The following SYK variants were observed in gnomAD, a reference collection of about 807,000 sequenced individuals.
SYK encodes tyrosine-protein kinase SYK.
A neutral mutation model predicts 77.8 loss-of-function variants in SYK; 16 were observed. That is an observed-to-expected ratio of 0.21 (90% confidence interval 0.14 to 0.31). The LOEUF (loss-of-function observed/expected upper bound fraction) is 0.31. Ranked by LOEUF, SYK falls within the 10% of genes least tolerant of loss-of-function variation. The pLI, the probability that SYK is intolerant of heterozygous loss-of-function variation, is 1.00. For missense variants in SYK, 529 were observed against 814.4 expected (o/e 0.65, Z 4.26); for synonymous variants, 312 against 308.7 (o/e 1.01, Z -0.11).
intron 13 of SYK, among the ~76,000 whole-genome samples, chr9:90,894,116 C>T (rs1443505573): frequency 6.6e-6 from 1 of 152,220 alleles, no homozygotes; most frequent in Non-Finnish European, 1.5e-5. Flanking sequence ...ACCCCCAGAG[C>T]AAGATCCAAA....
chr9:90,859,624 C>T (rs1418953307), intron 3 of SYK, among the ~76,000 whole-genome samples: 1 of 152,180 alleles, frequency 6.6e-6, no homozygotes, highest in Non-Finnish European at 1.5e-5. Context: ...TGCTCATTCA[C>T]GAGGTCTGTG....
chr9:90,853,840 G>T (rs1001854687), intron 3 of SYK, among the ~76,000 whole-genome samples: 24 of 151,908 alleles, frequency 1.6e-4, no homozygotes, highest in Non-Finnish European at 3.1e-4. Context: ...CCTGCACATT[G>T]TGCACATGTA....
Position 90,845,526 on chromosome 9 carries a change from T to C in SYK, c.510T>C (p.His170=). The C allele has an allele frequency of 6.2e-7, 1 of 1,614,204 alleles. No individual in the cohort carries two copies. Residue 170 remains histidine (H), a synonymous_variant, in exon 3 of 14, where the codon CAT becomes CAC. Coordinates refer to ENST00000375754, the MANE Select transcript of SYK (RefSeq NM_003177.7). ...CCCATGAAAAAATGCCTTGGTTCCA[T>C]GGAAAAATCTCTCGGGAAGAATCTG... The part of the protein sequence containing the change: ...TTAHEKMPWF[H]GKISREESEQ...
intron 11 of SYK, among the ~76,000 whole-genome samples, chr9:90,883,659 G>A (rs1316299652): frequency 6.6e-6 from 1 of 152,000 alleles, no homozygotes; most frequent in Non-Finnish European, 1.5e-5. Flanking sequence ...AAGTCCATTG[G>A]CCTAGTCACA....
chr9:90,830,581 C>CTTTTTTTTT (rs57804863), intron 1 of SYK, among the ~76,000 whole-genome samples: 2 of 111,562 alleles, frequency 1.8e-5, no homozygotes, highest in Non-Finnish European at 1.7e-5. Context: ...ACTCATTCCT[C>CTTTTTTTTT]TTTTTTTTTT....
intron 5 of SYK, among the ~76,000 whole-genome samples, 160 bp from the exon 6 acceptor site, chr9:90,864,888 C>T (rs368326030): frequency 3.5e-4 from 54 of 152,206 alleles, no homozygotes; most frequent in South Asian, 1.0e-3. Context: ...TCATTGCATG[C>T]GGGAAAAAGT....
intron 11 of SYK, among the ~76,000 whole-genome samples, chr9:90,887,364 T>A (rs1008982407): frequency 5.3e-5 from 8 of 151,928 alleles, no homozygotes; most frequent in African/African-American, 1.9e-4. Flanking sequence ...ATAATGCTGC[T>A]ATGAACATGA....
rs1283582519 is a variant in SYK at position 90,891,177 on chromosome 9, ACTCTGTCGCCCAGGCTG to A, written c.1835+2551_1835+2567del. Among the ~76,000 whole-genome samples, 955 of 123,750 alleles carry A rather than the reference ACTCTGTCGCCCAGGCTG, an allele frequency of 7.7e-3. 2 individuals are homozygous for A. The highest frequency in any genetic ancestry group is 0.015 in the South Asian group (60 of 4,056). The allele number at this position is 123,750 out of a possible 152,430, so 81.2% of individuals were successfully genotyped here. A position where few individuals can be genotyped will look rare whatever the true frequency, so the allele number is the denominator to read the frequency against. On this transcript the variant is annotated intron_variant, in intron 13 of 13. Coordinates refer to ENST00000375754, the MANE Select transcript of SYK (RefSeq NM_003177.7). Reference sequence around the variant, plus strand: ...TTTTTTTTTTTTGAGACGGAGTCTCACTCTGTCGCCCAGGCTGGAGTGCAGTGGCGCGATCTGGGCTC... The same window carrying A: ...TTTTTTTTTTTTGAGACGGAGTCTCAGAGTGCAGTGGCGCGATCTGGGCTC...
Position 90,801,838 on chromosome 9 carries a change from A to T in SYK, c.-97A>T, listed in dbSNP as rs1347233042. 1 of 152,302 alleles carries T rather than the reference A, an allele frequency of 6.6e-6. No homozygotes were observed. Among genetic ancestry groups the T allele is most frequent in the Admixed American group, 6.5e-5 (1 of 15,280 alleles). The allele number at this position is 152,302 out of a possible 1,614,324, so 9.4% of individuals were successfully genotyped here. ...GAGGCCACCCCGGCGGCGGCTGGAGAGCGAGGAGGAGCGGGTGGCCCCGCG... is the reference window on the plus strand; with the variant it reads ...GAGGCCACCCCGGCGGCGGCTGGAGTGCGAGGAGGAGCGGGTGGCCCCGCG... On this transcript the variant is annotated 5_prime_UTR_variant, in exon 1 of 14. Coordinates refer to ENST00000375754, the MANE Select transcript of SYK (RefSeq NM_003177.7).
intron 3 of SYK, among the ~76,000 whole-genome samples, chr9:90,849,603 G>T (rs1826740053): frequency 6.6e-6 from 1 of 152,150 alleles, no homozygotes; most frequent in Non-Finnish European, 1.5e-5. Flanking sequence ...ACAGATGCAG[G>T]GACACAGCAA....
At chr9:90,807,426 G>T (rs960446830) in intron 1 of SYK, among the ~76,000 whole-genome samples, 13 of 152,196 alleles carry the variant, frequency 8.5e-5, no homozygotes, top group Admixed American at 5.9e-4. Flanking sequence ...GCCCCACTGG[G>T]TTCAAGTCCC....
chr9:90,804,537 G>T (rs4744504), intron 1 of SYK, among the ~76,000 whole-genome samples: 17,451 of 152,090 alleles, frequency 0.11, 1,193 homozygotes, highest in Admixed American at 0.23. Context: ...TGCTTTGCTG[G>T]TTTTAACATT....
At chr9:90,884,143 A>ATC (rs1554714307) in intron 11 of SYK, among the ~76,000 whole-genome samples, 1 of 111,928 alleles carries the variant, frequency 8.9e-6, no homozygotes, top group Non-Finnish European at 1.9e-5. Context: ...ACATATATAT[A>ATC]TGTGTGTGTG....
chr9:90,885,526 A>T (rs1310552347), intron 11 of SYK, among the ~76,000 whole-genome samples: 1 of 152,240 alleles, frequency 6.6e-6, no homozygotes, highest in East Asian at 1.9e-4. Context: ...ACCCTTCATG[A>T]TATATGGGGC....
At chr9:90,811,034 A>G (rs781566978) in intron 1 of SYK, among the ~76,000 whole-genome samples, 2 of 147,038 alleles carry the variant, frequency 1.4e-5, no homozygotes, top group Non-Finnish European at 3.0e-5. Flanking sequence ...ATAAAAATAT[A>G]GCATTGAAAT....
chr9:90,862,077 C>T, intron 3 of SYK, 129 bp from the exon 4 acceptor site: 1 of 1,240,590 alleles, frequency 8.1e-7, no homozygotes, highest in African/African-American at 1.5e-5. Context: ...ACTCTGCCCT[C>T]CAGCTGCCTT....
chr9:90,825,848 G>A (rs1259063571), intron 1 of SYK, among the ~76,000 whole-genome samples: 1 of 152,200 alleles, frequency 6.6e-6, no homozygotes, highest in African/African-American at 2.4e-5. Context: ...TTGACTTTCA[G>A]CAGTGTAGAG....
rs547503549 is a variant in SYK, at chr9:90,895,625, G to A, written c.*25G>A. 1 of 1,606,416 alleles carries A rather than the reference G, an allele frequency of 6.2e-7. No homozygotes were observed. Among genetic ancestry groups the A allele is most frequent in the Non-Finnish European group, 8.5e-7 (1 of 1,173,318 alleles). On this transcript the variant is annotated 3_prime_UTR_variant, in exon 14 of 14. Transcript: ENST00000375754. The surrounding 1 kb of genome is among the most constrained non-coding windows in gnomAD (Gnocchi z 4.4). ...ACCGCTCCCGCACCTGTCGGTGGCT[G>A]CCTTTGATCACAGGAGCAATCACAG...
intron 12 of SYK, 53 bp downstream of exon 12, chr9:90,887,942 C>T (rs998850931): frequency 1.1e-5 from 16 of 1,485,880 alleles, no homozygotes; most frequent in Non-Finnish European, 1.4e-5. Flanking sequence ...AACAGATAAG[C>T]ACCAGATTGT....
Sources: gnomAD v4.1 joint callset for allele counts (sites outside exome capture counted in the v4.1 genomes callset) on GRCh38, gnomAD v4.1.1 for gene constraint, Gnocchi (gnomAD v3.1) non-coding constraint, MANE v1.5 for transcripts, NCBI Gene and HGNC (gene_info 2026-07-23, HGNC 2026-07-21) for gene names.